Variants in NPHS1 observed in about 807,000 individuals in gnomAD.
NPHS1 encodes NPHS1 adhesion molecule, nephrin, also known as nephrin.
In NPHS1, 107 loss-of-function variants were observed where a neutral mutation model predicts 139.7. The ratio of observed to expected loss-of-function variants is 0.77; its 90% CI spans 0.66 to 0.90. NPHS1 has a LOEUF of 0.90. NPHS1 is among the 40% of genes least tolerant of loss of function. NPHS1 has a pLI of 0.00. For missense variants in NPHS1, 1,580 were observed against 1,654.2 expected (o/e 0.96, Z 0.78); for synonymous variants, 707 against 706.6 (o/e 1.00, Z -0.01).
intron 10 of NPHS1, 42 bp from the exon 11 acceptor site, chr19:35,848,207 G>T (rs748288148): frequency 6.2e-7 from 1 of 1,614,110 alleles, no homozygotes; most frequent in Non-Finnish European, 8.5e-7. Flanking sequence ...TCTCTGTGCT[G>T]GGTCCTGAGG....
intron 23 of NPHS1, among the ~76,000 whole-genome samples, chr19:35,835,293 CTTTTTTTTT>C (rs34868479): frequency 2.6e-5 from 1 of 38,094 alleles, no homozygotes; most frequent in Non-Finnish European, 5.0e-5. Context: ...AGAACTAAGT[CTTTTTTTTT>C]TTTTTTTTTT....
chr19:35,846,316 A>G, intron 11 of NPHS1, 122 bp from the exon 12 acceptor site: 1 of 1,023,290 alleles, frequency 9.8e-7, no homozygotes, highest in Non-Finnish European at 1.4e-6. Context: ...TCTGATAAGG[A>G]GAAGCACTCT....
Position 35,851,344 on chromosome 19 carries a change from A to G in NPHS1, c.315T>C (p.Asp105=), listed in dbSNP as rs1973253249. ...HLHIEACDLS[D]DAEYECQVGR... is the part of the protein sequence containing the mutation. ...CGACCTGGCACTCATACTCCGCGTC[A>G]TCGCTGAGGTCACAGGCCTCGATGT... The change falls in exon 3 of 29, where the codon GAT becomes GAC. Residue 105 remains aspartate (D), a synonymous_variant. Coordinates refer to ENST00000378910, the MANE Select transcript of NPHS1 (RefSeq NM_004646.4). The G allele has an allele frequency of 6.2e-6, 10 of 1,613,732 alleles. No individual in the cohort carries two copies. Among genetic ancestry groups the G allele is most frequent in the South Asian group, 1.1e-5 (1 of 91,046 alleles).
At position 35,830,861 on chromosome 19, in the gene NPHS1, A is replaced by G; in HGVS notation, c.3577T>C (p.Tyr1193His). ...CTTCTCACCATCTGCACTTCATCGT[A>G]GAGGGGTCCCCAGGCTCCAGACGGG... ...YPPSGAWGPL[Y>H]DEVQMGPWDL... The change falls in exon 28 of 29, where the codon TAC (tyrosine) becomes CAC (histidine). Residue 1193 changes from tyrosine to histidine, a missense_variant. Tyr to His is a moderately conservative substitution (Grantham distance 83). Coordinates refer to ENST00000378910, the MANE Select transcript of NPHS1 (RefSeq NM_004646.4). 6.2e-7 allele frequency: 1 copy of G among 1,609,220 alleles called. No homozygotes were observed.
chr19:35,844,071 T>A, intron 16 of NPHS1, 32 bp downstream of exon 16: 4 of 1,602,782 alleles, frequency 2.5e-6, no homozygotes. Context: ...GTTCCTTGGG[T>A]GGGTGTGGTT....
At chr19:35,847,046 T>A (rs1415090529) in intron 11 of NPHS1, among the ~76,000 whole-genome samples, 12 of 152,106 alleles carry the variant, frequency 7.9e-5, no homozygotes, top group Admixed American at 7.9e-4. Context: ...TTTCTTTTCT[T>A]TTCTTTTCTT....
At position 35,849,040 on chromosome 19, in the gene NPHS1, G is replaced by T. The variant is rs79514925; in HGVS notation, c.948C>A (p.Ser316Arg). The change falls in exon 8 of 29, where the codon AGC becomes AGA. Residue 316 changes from serine (S) to arginine (R), a missense_variant. Ser to Arg is a moderately radical substitution (Grantham distance 110, BLOSUM62 -1). Coordinates refer to ENST00000378910, the MANE Select transcript of NPHS1 (RefSeq NM_004646.4). The part of the protein sequence containing the change: ...VRPEDHGAQL[S>R]CEAHNSVSAG... ...CAGACACGCTGTTGTGGGCCTCGCA[G>T]CTGAGCTGCGCTCCATGGTCTTCTG... is the stretch of plus-strand genomic sequence containing the variant. The T allele has an allele frequency of 1.9e-6, 3 of 1,611,740 alleles. No individual in the cohort carries two copies. Among genetic ancestry groups the T allele is most frequent in the African/African-American group, 2.7e-5 (2 of 74,934 alleles).
Position 35,842,293 on chromosome 19 carries a change from G to T in NPHS1, c.2507-13C>A. On this transcript the variant is annotated splice_polypyrimidine_tract_variant and intron_variant, in intron 18 of 28. Coordinates refer to ENST00000378910, the MANE Select transcript of NPHS1 (RefSeq NM_004646.4). ...ACCTGGGGGGCAACTGGGAGGGGATGGGCAGTCAACATGAGCTATGTGGGA... is the reference window on the plus strand; with the variant it reads ...ACCTGGGGGGCAACTGGGAGGGGATTGGCAGTCAACATGAGCTATGTGGGA... 6.2e-7 allele frequency: 1 copy of T among 1,612,244 alleles called. No homozygotes were observed. Among genetic ancestry groups the T allele is most frequent in the Non-Finnish European group, 8.5e-7 (1 of 1,179,978 alleles).
intron 17 of NPHS1, 66 bp downstream of exon 17, chr19:35,843,406 G>A (rs960188126): frequency 1.3e-6 from 2 of 1,596,274 alleles, no homozygotes; most frequent in Non-Finnish European, 1.7e-6. Context: ...CACTCCCAAG[G>A]AACTCACAGT....
intron 16 of NPHS1, 91 bp downstream of exon 16, chr19:35,844,012 C>T (rs994629527): frequency 7.3e-5 from 113 of 1,538,598 alleles, no homozygotes; most frequent in Admixed American, 1.2e-4. Context: ...GGGTGGCTAT[C>T]CCTGGGTGGG....
intron 22 of NPHS1, among the ~76,000 whole-genome samples, chr19:35,838,124 A>C (rs930658885): frequency 6.6e-6 from 1 of 150,980 alleles, no homozygotes; most frequent in South Asian, 2.1e-4. Flanking sequence ...CATGCCTGTA[A>C]TCCCAGCTAC....
At chr19:35,840,871 A>C (rs182448123) in intron 20 of NPHS1, among the ~76,000 whole-genome samples, 57 of 139,492 alleles carry the variant, frequency 4.1e-4, no homozygotes, top group African/African-American at 1.5e-3. Context: ...TTTTTTTTTA[A>C]GTAGAGATGG....
intron 9 of NPHS1, 114 bp downstream of exon 9, chr19:35,848,523 C>T (rs1015854652): frequency 1.7e-5 from 27 of 1,577,320 alleles, no homozygotes; most frequent in African/African-American, 8.1e-5. Flanking sequence ...CTGTTGGACC[C>T]ATGGTCCTCA....
Position 35,845,842 on chromosome 19 carries a change from G to A in NPHS1, c.1628-44C>T, listed in dbSNP as rs1046311084. 1 of 1,596,402 alleles carries A rather than the reference G, an allele frequency of 6.3e-7. No homozygotes were observed. On this transcript the variant is annotated intron_variant, in intron 12 of 28. Transcript: ENST00000378910. The surrounding 1 kb of genome is among the most constrained non-coding windows in gnomAD (Gnocchi z 5.5). ...GGAGCGAGACTCAGAGGTTAGGGGC[G>A]GCCTGGTCTGCGTCCACCCCGCCTG...
chr19:35,848,588 C>T, intron 9 of NPHS1, 49 bp downstream of exon 9: 1 of 1,608,554 alleles, frequency 6.2e-7, no homozygotes, highest in Non-Finnish European at 8.5e-7. Context: ...ACGAGTCATG[C>T]CCTCAGCCCC....
Position 35,851,957 on chromosome 19 carries a change from C to A in NPHS1, c.-120G>T. On this transcript the variant is annotated 5_prime_UTR_variant, in exon 1 of 29. Coordinates refer to ENST00000378910, the MANE Select transcript of NPHS1 (RefSeq NM_004646.4). ...CCTGCTTTTCTTTTTTATCTCTTTC[C>A]GTTACTCTCCTCCCTTTCTCGTTTT... 2 of 803,788 alleles carry A rather than the reference C, an allele frequency of 2.5e-6. No individual in the cohort carries two copies. The highest frequency in any genetic ancestry group is 4.2e-6 in the Non-Finnish European group (2 of 471,740). 49.8% of individuals were successfully genotyped at this position (803,788 alleles called of 1,614,324 possible). A position where few individuals can be genotyped will look rare whatever the true frequency, so the allele number is the denominator to read the frequency against.
In NPHS1 at chr19:35,849,314, G is replaced by T. The variant is rs201234008; in HGVS notation, c.762C>A (p.His254Gln). ...GCTCCAAGCTCTGTCCTGCCCGCAC[G>T]TGCCCCTCATCCAGGCCTGGCCACT... ...VIEWPGLDEG[H>Q]VRAGQSLELP... Residue 254 changes from histidine to glutamine, a missense_variant, in exon 7 of 29, where the codon CAC becomes CAA. His to Gln is a conservative substitution (Grantham distance 24). Transcript: ENST00000378910. 9 of 1,612,892 alleles carry T rather than the reference G, an allele frequency of 5.6e-6. No homozygotes were observed. In the East Asian group the frequency reaches 2.0e-4, roughly 36 times the overall value.
intron 20 of NPHS1, among the ~76,000 whole-genome samples, chr19:35,840,224 C>T (rs1475391650): frequency 5.3e-5 from 8 of 151,394 alleles, no homozygotes; most frequent in East Asian, 1.9e-4. Flanking sequence ...AGGCTTGTCT[C>T]GAACTCCTGA....
At chr19:35,830,407 T>C (rs750782353) in intron 28 of NPHS1, among the ~76,000 whole-genome samples, 1 of 152,190 alleles carries the variant, frequency 6.6e-6, no homozygotes, top group African/African-American at 2.4e-5. Context: ...GAAAAAGAAA[T>C]AGACTGCCTT....
Sources: gnomAD v4.1 joint callset for allele counts (sites outside exome capture counted in the v4.1 genomes callset) on GRCh38, gnomAD v4.1.1 for gene constraint, Gnocchi (gnomAD v3.1) non-coding constraint, MANE v1.5 for transcripts, NCBI Gene and HGNC (gene_info 2026-07-23, HGNC 2026-07-21) for gene names.